CSMD1: variants seen among roughly 807,000 people sequenced by gnomAD.
The protein encoded by CSMD1 is CUB and sushi domain-containing protein 1.
Under a neutral mutation model 417.5 loss-of-function variants are expected in CSMD1, and 213 were observed. That is an observed-to-expected ratio of 0.51 (90% CI 0.46 to 0.57). The LOEUF is 0.57. Among genes scored for constraint, CSMD1 ranks in the 20% least tolerant of loss-of-function variants. The pLI is 0.00. For synonymous variants in CSMD1, 2,862 were observed against 1,736.8 expected, an observed-to-expected ratio of 1.65 and a Z score of -16.11; for missense variants, 6,923 against 4,529.7, an observed-to-expected ratio of 1.53 and a Z score of -15.17.
At chr8:3,621,041 CAGA>C (rs1045633329) in intron 7 of CSMD1, among the ~76,000 whole-genome samples, 2 of 152,016 alleles carry the variant, frequency 1.3e-5, no homozygotes, top group Non-Finnish European at 2.9e-5. Flanking sequence ...GGTAAGTTAG[CAGA>C]AGAATACATA....
intron 7 of CSMD1, among the ~76,000 whole-genome samples, chr8:3,674,100 C>G (rs1344718639): frequency 1.3e-5 from 2 of 150,416 alleles, no homozygotes; most frequent in African/African-American, 4.9e-5. Context: ...AGTGAGACTC[C>G]CTCTCAAAAG....
intron 27 of CSMD1, among the ~76,000 whole-genome samples, chr8:3,226,130 G>A (rs984519631): frequency 1.3e-5 from 2 of 152,174 alleles, no homozygotes; most frequent in African/African-American, 4.8e-5. Flanking sequence ...TTTCTAAATA[G>A]ACACCTTTAT....
intron 1 of CSMD1, among the ~76,000 whole-genome samples, chr8:4,718,605 G>A (rs1342660057): frequency 2.0e-5 from 3 of 151,918 alleles, no homozygotes; most frequent in Non-Finnish European, 4.4e-5. Flanking sequence ...CATATAGTAC[G>A]ATTGAATTTT....
chr8:3,641,264 G>A (rs1797292466), intron 7 of CSMD1, among the ~76,000 whole-genome samples: 1 of 152,010 alleles, frequency 6.6e-6, no homozygotes, highest in Non-Finnish European at 1.5e-5. Flanking sequence ...AGCAAATCCA[G>A]GGGAGTAAGT....
At chr8:3,946,085 T>C (rs1304763088) in intron 5 of CSMD1, among the ~76,000 whole-genome samples, 1 of 152,188 alleles carries the variant, frequency 6.6e-6, no homozygotes, top group East Asian at 1.9e-4. Context: ...AATGGTGATC[T>C]GTGGAGGACT....
chr8:4,443,898 A>G (rs907611029), intron 2 of CSMD1, among the ~76,000 whole-genome samples: 6 of 152,198 alleles, frequency 3.9e-5, no homozygotes, highest in African/African-American at 1.2e-4. Flanking sequence ...ATTTCATCAC[A>G]TCTACAGGAG....
chr8:4,250,408 C>T (rs1802987514), intron 3 of CSMD1, among the ~76,000 whole-genome samples: 1 of 152,000 alleles, frequency 6.6e-6, no homozygotes, highest in South Asian at 2.1e-4. Flanking sequence ...GTTGAGGATC[C>T]AATATTGTAG....
chr8:4,097,896 G>C (rs1801105182), intron 3 of CSMD1, among the ~76,000 whole-genome samples: 1 of 152,140 alleles, frequency 6.6e-6, no homozygotes, highest in African/African-American at 2.4e-5. Flanking sequence ...TTCATCAGCT[G>C]AACATTTGGA....
At chr8:3,025,289 T>C (rs550809176) in intron 51 of CSMD1, among the ~76,000 whole-genome samples, 1 of 152,046 alleles carries the variant, frequency 6.6e-6, no homozygotes, top group South Asian at 2.1e-4. Context: ...GGTGTTATTC[T>C]GAAACTGTGT....
chr8:4,940,381 G>C (rs760290759), intron 1 of CSMD1, among the ~76,000 whole-genome samples: 1 of 152,304 alleles, frequency 6.6e-6, no homozygotes, highest in Middle Eastern at 3.4e-3. Context: ...GAAATATACA[G>C]TTATATTACA....
At chr8:3,142,726 T>G in intron 40 of CSMD1, 52 bp from the exon 41 acceptor site, 1 of 1,409,916 alleles carries the variant, frequency 7.1e-7, no homozygotes, top group Non-Finnish European at 1.0e-6. Context: ...ATGTATAAAA[T>G]CAATGCTCAT....
rs563354496 is a variant in CSMD1, at chr8:3,508,687, A to G, written c.1345-14961T>C. 1.3e-3 allele frequency among the ~76,000 whole-genome samples: 195 copies of G among 152,304 alleles called. 1 individual carries two copies. Among genetic ancestry groups the G allele is most frequent in the Non-Finnish European group, 2.4e-3 (160 of 68,026 alleles). ...GTACTTCCAGCTTATCTATTATGGA[A>G]AATTTTCTGCGAGTTTTATGTCATG... On this transcript the variant is annotated intron_variant, in intron 10 of 69. Transcript: ENST00000635120.
At chr8:3,716,789 T>A (rs2720797) in intron 6 of CSMD1, among the ~76,000 whole-genome samples, 3 of 152,054 alleles carry the variant, frequency 2.0e-5, no homozygotes, top group Non-Finnish European at 2.9e-5. Context: ...AACTTTCCAT[T>A]TAACTCTGTT....
chr8:3,406,390 A>G (rs971592078), intron 14 of CSMD1, among the ~76,000 whole-genome samples, 169 bp from the exon 15 acceptor site: 17 of 152,204 alleles, frequency 1.1e-4, no homozygotes, highest in Admixed American at 3.9e-4. Context: ...TAAATAGGAT[A>G]TCAGTGTCTA....
intron 3 of CSMD1, among the ~76,000 whole-genome samples, chr8:4,163,820 A>C (rs1423131839): frequency 6.6e-6 from 1 of 152,212 alleles, no homozygotes; most frequent in Non-Finnish European, 1.5e-5. Context: ...TTCTACACCT[A>C]TACCCCTTCA....
chr8:3,272,099 A>AT (rs1211033002), intron 26 of CSMD1, among the ~76,000 whole-genome samples: 3 of 148,036 alleles, frequency 2.0e-5, no homozygotes, highest in Non-Finnish European at 3.0e-5. Flanking sequence ...TCTTGAATTG[A>AT]TTTTTGTATA....
intron 6 of CSMD1, among the ~76,000 whole-genome samples, chr8:3,738,111 A>T (rs1299565683): frequency 6.6e-6 from 1 of 152,210 alleles, no homozygotes; most frequent in African/African-American, 2.4e-5. Context: ...GTGGGCTCTA[A>T]CATACACTTT....
chr8:3,721,233 A>C (rs987277900), intron 6 of CSMD1, among the ~76,000 whole-genome samples: 1 of 152,136 alleles, frequency 6.6e-6, no homozygotes, highest in African/African-American at 2.4e-5. Flanking sequence ...TGAAACTCCT[A>C]AATCCAATCA....
At chr8:4,434,463 TC>T (rs1317421960) in intron 2 of CSMD1, among the ~76,000 whole-genome samples, 1 of 151,904 alleles carries the variant, frequency 6.6e-6, no homozygotes, top group East Asian at 1.9e-4. Flanking sequence ...TCCTATGAAG[TC>T]CCCACACTCT....
Sources: gnomAD v4.1 joint callset for allele counts (sites outside exome capture counted in the v4.1 genomes callset) on GRCh38, gnomAD v4.1.1 for gene constraint, MANE v1.5 for transcripts, NCBI Gene and HGNC (gene_info 2026-07-23, HGNC 2026-07-21) for gene names.